ZNF423: variants seen among roughly 807,000 people sequenced by gnomAD.
The protein encoded by ZNF423 is zinc finger protein 423.
ZNF423 carries 12 observed loss-of-function variants against 95.8 expected under a neutral mutation model. The ratio of observed to expected loss-of-function variants is 0.13; its 90% CI spans 0.08 to 0.20. The LOEUF (loss-of-function observed/expected upper bound fraction) is 0.20, where lower values mean the gene tolerates loss of function less well. Ranked by LOEUF, ZNF423 falls within the 10% of genes least tolerant of loss-of-function variation. The pLI, the probability that ZNF423 is intolerant of heterozygous loss-of-function variation, is 1.00. For synonymous variants in ZNF423, 749 were observed against 711.9 expected, an observed-to-expected ratio of 1.05 and a Z score of -0.83; for missense variants, 1,316 against 1,737.1, an observed-to-expected ratio of 0.76 and a Z score of 4.31.
intron 2 of ZNF423, among the ~76,000 whole-genome samples, chr16:49,758,998 G>A (rs1360856151): frequency 6.6e-5 from 10 of 152,268 alleles, no homozygotes; most frequent in African/African-American, 2.2e-4. Context: ...TTTCAATGGC[G>A]TTCACCTTAT....
At chr16:49,622,436 C>A (rs960911507) in intron 5 of ZNF423, among the ~76,000 whole-genome samples, 1 of 152,094 alleles carries the variant, frequency 6.6e-6, no homozygotes, top group Non-Finnish European at 1.5e-5. Context: ...TGCTCACCCC[C>A]CATCCTGCTA....
intron 5 of ZNF423, among the ~76,000 whole-genome samples, chr16:49,570,173 G>A (rs1970312475): frequency 6.6e-6 from 1 of 152,220 alleles, no homozygotes; most frequent in African/African-American, 2.4e-5. Flanking sequence ...TTCTAATCTG[G>A]CTCTGACTGA....
intron 2 of ZNF423, among the ~76,000 whole-genome samples, chr16:49,734,786 T>C (rs757944820): frequency 1.3e-5 from 2 of 152,338 alleles, no homozygotes. Flanking sequence ...ACAACTGTTT[T>C]CTGATGTGCA....
chr16:49,773,176 A>T (rs550279982), intron 2 of ZNF423, among the ~76,000 whole-genome samples: 1 of 152,234 alleles, frequency 6.6e-6, no homozygotes, highest in East Asian at 1.9e-4. Flanking sequence ...AAAATTAGCC[A>T]GACATGGTGG....
chr16:49,677,339 AGGG>A (rs1203048574), intron 3 of ZNF423, among the ~76,000 whole-genome samples: 1 of 28,334 alleles, frequency 3.5e-5, no homozygotes, highest in African/African-American at 1.6e-4. Context: ...AGGGGAGGGG[AGGG>A]GAGGAGGGGA....
At chr16:49,649,063 G>T (rs1401147347) in intron 3 of ZNF423, among the ~76,000 whole-genome samples, 1 of 152,142 alleles carries the variant, frequency 6.6e-6, no homozygotes, top group East Asian at 1.9e-4. Context: ...GACAGAGAGA[G>T]TACAGGATGA....
intron 3 of ZNF423, among the ~76,000 whole-genome samples, chr16:49,722,939 T>C (rs1019542642): frequency 6.6e-6 from 1 of 150,508 alleles, no homozygotes; most frequent in Non-Finnish European, 1.5e-5. Flanking sequence ...TCCCTTACTA[T>C]AAACGGGGTT....
chr16:49,568,350 A>G (rs1380763009), intron 5 of ZNF423, among the ~76,000 whole-genome samples: 1 of 152,078 alleles, frequency 6.6e-6, no homozygotes, highest in Non-Finnish European at 1.5e-5. Context: ...GAGGGAGGCT[A>G]ATAGAGAAAA....
chr16:49,665,660 C>T (rs1182090868), intron 3 of ZNF423, among the ~76,000 whole-genome samples: 1 of 152,094 alleles, frequency 6.6e-6, no homozygotes, highest in Non-Finnish European at 1.5e-5. Flanking sequence ...GTGGCCCAGC[C>T]CTGGTAGCAC....
chr16:49,576,949 T>C (rs1331315953), intron 5 of ZNF423, among the ~76,000 whole-genome samples: 1 of 152,238 alleles, frequency 6.6e-6, no homozygotes, highest in African/African-American at 2.4e-5. Flanking sequence ...ATCCAGAATT[T>C]GGGGGCCAGA....
At chr16:49,836,542 G>A (rs2035122440) in intron 1 of ZNF423, among the ~76,000 whole-genome samples, 1 of 152,162 alleles carries the variant, frequency 6.6e-6, no homozygotes, top group African/African-American at 2.4e-5. Context: ...GCAGGCACCA[G>A]GCATGGGGCA....
At chr16:49,694,360 T>A (rs577181595) in intron 3 of ZNF423, among the ~76,000 whole-genome samples, 2 of 152,300 alleles carry the variant, frequency 1.3e-5, no homozygotes, top group East Asian at 3.9e-4. Context: ...GCATGAGTCT[T>A]TGCTGTGCCA....
At chr16:49,655,036 C>T (rs544813248) in intron 3 of ZNF423, among the ~76,000 whole-genome samples, 1 of 152,296 alleles carries the variant, frequency 6.6e-6, no homozygotes, top group African/African-American at 2.4e-5. Flanking sequence ...CTAGGTGAAT[C>T]ATAGCATCAG....
chr16:49,741,827 T>A lies in ZNF423; in HGVS notation c.101-10856A>T, dbSNP rs115073123. On this transcript the variant is annotated intron_variant, in intron 2 of 7. Coordinates refer to ENST00000563137, the MANE Select transcript of ZNF423 (RefSeq NM_001379286.1). ...GGAACTGAGTTCAAGTCCATTTTTG[T>A]GCAAGACCTTGGTTGCTTGTACTTC... Among the ~76,000 whole-genome samples, 1,006 of 152,376 alleles carry A rather than the reference T, an allele frequency of 6.6e-3. 6 individuals are homozygous for A. The highest frequency in any genetic ancestry group is 0.023 in the African/African-American group (942 of 41,594).
chr16:49,756,592 C>G (rs2033731261), intron 2 of ZNF423, among the ~76,000 whole-genome samples: 1 of 152,156 alleles, frequency 6.6e-6, no homozygotes, highest in Admixed American at 6.5e-5. Context: ...ATGCGTGTCT[C>G]GAAAGGTCCC....
chr16:49,731,456 C>G (rs1414857915), intron 2 of ZNF423: 2 of 775,678 alleles, frequency 2.6e-6, no homozygotes, highest in Non-Finnish European at 3.1e-6. Context: ...GCAAAGATGT[C>G]CAACTCTGAA....
chr16:49,638,416 T>C lies in ZNF423; in HGVS notation c.760A>G (p.Lys254Glu). ...SLQSHMQAHKKNKEHLAKSEK... is the reference protein window; with the variant it reads ...SLQSHMQAHKENKEHLAKSEK... ...GACTTGGCCAGATGCTCCTTGTTCT[T>C]TTTGTGGGCCTGCATGTGGCTCTGC... The change falls in exon 4 of 8, where the codon AAG becomes GAG. Residue 254 changes from lysine (K) to glutamate (E), a missense_variant. By Grantham distance (56) the Lys-to-Glu change is moderately conservative. Transcript: ENST00000563137. The surrounding 1 kb of genome is among the most constrained non-coding windows in gnomAD (Gnocchi z 5.6). The C allele has an allele frequency of 6.2e-7, 1 of 1,613,896 alleles. No individual in the cohort carries two copies. The highest frequency in any genetic ancestry group is 1.1e-5 in the South Asian group (1 of 91,082).
At chr16:49,507,231 A>G (rs1567430743) in intron 7 of ZNF423, among the ~76,000 whole-genome samples, 1 of 152,230 alleles carries the variant, frequency 6.6e-6, no homozygotes, top group Non-Finnish European at 1.5e-5. Context: ...ATGGACACTT[A>G]ATAGGGTCAT....
chr16:49,581,829 C>T (rs150529433), intron 5 of ZNF423, among the ~76,000 whole-genome samples: 351 of 152,244 alleles, frequency 2.3e-3, no homozygotes, highest in African/African-American at 7.1e-3. Context: ...AATCCAAATG[C>T]GATCTGGCAG....
Sources: gnomAD v4.1 joint callset for allele counts (sites outside exome capture counted in the v4.1 genomes callset) on GRCh38, gnomAD v4.1.1 for gene constraint, Gnocchi (gnomAD v3.1) non-coding constraint, MANE v1.5 for transcripts, NCBI Gene and HGNC (gene_info 2026-07-23, HGNC 2026-07-21) for gene names.